PPP6R3: variants seen among roughly 807,000 people sequenced by gnomAD.
PPP6R3 encodes serine/threonine-protein phosphatase 6 regulatory subunit 3.
A neutral mutation model predicts 110.7 loss-of-function variants in PPP6R3; 38 were observed. The ratio of observed to expected loss-of-function variants is 0.34; its 90% CI spans 0.26 to 0.45. PPP6R3 has a LOEUF of 0.45. PPP6R3 is among the 20% of genes least tolerant of loss of function. The probability of loss-of-function intolerance (pLI) is 1.00; values close to 1 mark genes in which losing one functional copy is unlikely to be tolerated. For synonymous variants in PPP6R3, 369 were observed against 373.5 expected, an observed-to-expected ratio of 0.99 and a Z score of 0.14; for missense variants, 870 against 1,062.4, an observed-to-expected ratio of 0.82 and a Z score of 2.52.
chr11:68,556,184 C>T (rs2099398819), intron 7 of PPP6R3, among the ~76,000 whole-genome samples: 1 of 152,052 alleles, frequency 6.6e-6, no homozygotes. Flanking sequence ...ACAGTGTGGA[C>T]TCCACTGTAT....
At chr11:68,523,273 C>G (rs951897233) in intron 2 of PPP6R3, among the ~76,000 whole-genome samples, 19 of 152,222 alleles carry the variant, frequency 1.2e-4, no homozygotes, top group African/African-American at 4.6e-4. Flanking sequence ...ATGCCTTCCT[C>G]TGTACTGGTT....
rs2099595832 is a variant in PPP6R3 at position 68,591,712 on chromosome 11, A to G, written c.1916+6A>G. ...GAATCCCAAAGACGATCCAGGTGAAAGATAGTTGGTTATAGTTGTAATTAT... is the reference window on the plus strand; with the variant it reads ...GAATCCCAAAGACGATCCAGGTGAAGGATAGTTGGTTATAGTTGTAATTAT... On this transcript the variant is annotated splice_donor_region_variant and intron_variant, in intron 18 of 23. Coordinates refer to ENST00000393800, the MANE Select transcript of PPP6R3 (RefSeq NM_001164161.2). The G allele has an allele frequency of 1.2e-6, 2 of 1,607,444 alleles. No homozygotes were observed. Among genetic ancestry groups the G allele is most frequent in the Non-Finnish European group, 1.7e-6 (2 of 1,177,776 alleles).
intron 12 of PPP6R3, among the ~76,000 whole-genome samples, chr11:68,572,894 A>C (rs1039430195): frequency 6.6e-6 from 1 of 151,132 alleles, no homozygotes; most frequent in African/African-American, 2.4e-5. Context: ...CAAGCCCTCT[A>C]AGATTCTCTA....
chr11:68,574,084 G>A (rs1350984087), intron 12 of PPP6R3, 25 bp from the exon 13 acceptor site: 1 of 1,516,028 alleles, frequency 6.6e-7, no homozygotes, highest in East Asian at 2.3e-5. Context: ...AGGAATCTGA[G>A]TATTTGTCCT....
chr11:68,607,705 TGTCTGTC>T (rs766572935), intron 22 of PPP6R3, among the ~76,000 whole-genome samples: 1 of 152,208 alleles, frequency 6.6e-6, no homozygotes. Flanking sequence ...CTATCTCATC[TGTCTGTC>T]ATCTATCTAT....
intron 19 of PPP6R3, among the ~76,000 whole-genome samples, chr11:68,597,733 T>C (rs1374111703): frequency 6.6e-6 from 1 of 151,480 alleles, no homozygotes; most frequent in Non-Finnish European, 1.5e-5. Flanking sequence ...ATCCCAGCAC[T>C]TTCTGGAGGC....
intron 7 of PPP6R3, chr11:68,558,205 GCCACCC>G (rs2099406612): frequency 6.2e-6 from 1 of 160,006 alleles, no homozygotes; most frequent in Non-Finnish European, 1.4e-5. Context: ...ATGTCTTCTT[GCCACCC>G]CCAGCCCCAG....
At chr11:68,493,245 G>C (rs12420291) in intron 1 of PPP6R3, among the ~76,000 whole-genome samples, 1 of 152,010 alleles carries the variant, frequency 6.6e-6, no homozygotes, top group African/African-American at 2.4e-5. Context: ...CTTACATATG[G>C]GAAGGATAAC....
rs191452711 is a variant in PPP6R3 at position 68,497,379 on chromosome 11, G to A, written c.-157-22122G>A. Among the ~76,000 whole-genome samples the A allele has an allele frequency of 3.0e-3, 447 of 151,054 alleles. 5 individuals carry two copies. The highest frequency in any genetic ancestry group is 0.027 in the Admixed American group (403 of 15,146). On this transcript the variant is annotated intron_variant, in intron 1 of 23. Coordinates refer to ENST00000393800, the MANE Select transcript of PPP6R3 (RefSeq NM_001164161.2). ...TCTGTATTCCTGTCTTTTGAGACAG[G>A]GTTTCACTCTGTCACCTGGCTGGAG...
chr11:68,520,023 A>C (rs2099156252), intron 2 of PPP6R3, among the ~76,000 whole-genome samples: 1 of 152,208 alleles, frequency 6.6e-6, no homozygotes, highest in African/African-American at 2.4e-5. Flanking sequence ...GTTTTATACC[A>C]GCGAAAGGAC....
At chr11:68,481,289 C>G (rs891618557) in intron 1 of PPP6R3, among the ~76,000 whole-genome samples, 9 of 152,178 alleles carry the variant, frequency 5.9e-5, no homozygotes, top group Admixed American at 4.6e-4. Flanking sequence ...GTGGCAAATC[C>G]TGTCAGTTCT....
At chr11:68,595,970 G>T (rs1025286066) in intron 18 of PPP6R3, 127 bp from the exon 19 acceptor site, 1 of 1,225,544 alleles carries the variant, frequency 8.2e-7, no homozygotes, top group Non-Finnish European at 1.2e-6. Context: ...ACCACGTGGT[G>T]CTCAGACAGA....
intron 13 of PPP6R3, 24 bp downstream of exon 13, chr11:68,574,248 T>G: frequency 6.3e-7 from 1 of 1,587,314 alleles, no homozygotes; most frequent in Non-Finnish European, 8.6e-7. Context: ...GAAATTTGAA[T>G]TACATTTTTG....
chr11:68,546,206 A>G (rs2099348364), intron 4 of PPP6R3, among the ~76,000 whole-genome samples: 1 of 152,224 alleles, frequency 6.6e-6, no homozygotes, highest in Admixed American at 6.5e-5. Flanking sequence ...TGATTAATGT[A>G]GATTGTCTCT....
chr11:68,569,956 T>G, intron 11 of PPP6R3, 59 bp downstream of exon 11: 15 of 1,485,896 alleles, frequency 1.0e-5, no homozygotes, highest in Non-Finnish European at 1.4e-5. Flanking sequence ...AGTTTTCCAC[T>G]TGACTGTGAT....
chr11:68,485,983 G>A (rs536047973), intron 1 of PPP6R3, among the ~76,000 whole-genome samples: 1 of 149,660 alleles, frequency 6.7e-6, no homozygotes, highest in South Asian at 2.1e-4. Context: ...CAGCCTGAGT[G>A]ACACAGTGAA....
intron 1 of PPP6R3, among the ~76,000 whole-genome samples, chr11:68,488,373 T>C (rs2098962011): frequency 1.3e-5 from 2 of 152,192 alleles, no homozygotes; most frequent in South Asian, 4.1e-4. Flanking sequence ...GGTGTCTCGC[T>C]GTGTTTCCCA....
rs2099529978 is a variant in PPP6R3, at chr11:68,576,038, G to A, written c.1540G>A (p.Asp514Asn). Residue 514 changes from aspartate (D) to asparagine (N), a missense_variant, in exon 14 of 24, where the codon GAT becomes AAT. Physicochemically the swap from Asp to Asn is conservative, Grantham distance 23. Transcript: ENST00000393800. ...LGETNKRNTV[D>N]LVTTCHIHSS... ...AGAAACTAACAAGAGGAACACGGTA[G>A]ATCTAGTAGGTTTTACAAGGTTACA... 6.3e-7 allele frequency: 1 copy of A among 1,599,592 alleles called. No homozygotes were observed. Among genetic ancestry groups the A allele is most frequent in the Non-Finnish European group, 8.6e-7 (1 of 1,168,746 alleles).
At chr11:68,506,408 T>A (rs1392707438) in intron 1 of PPP6R3, among the ~76,000 whole-genome samples, 2 of 63,014 alleles carry the variant, frequency 3.2e-5, no homozygotes, top group Non-Finnish European at 6.4e-5. Context: ...CCCAGCCCTT[T>A]ATACTCAAAA....
Sources: allele counts gnomAD v4.1 joint callset (sites outside exome capture counted in the v4.1 genomes callset), GRCh38; gene constraint gnomAD v4.1.1; transcripts MANE v1.5; gene names NCBI Gene and HGNC (gene_info 2026-07-23, HGNC 2026-07-21).